The following ADGRF5 variants were observed in gnomAD, a reference collection of about 807,000 sequenced individuals.
ADGRF5 encodes the protein adhesion G protein-coupled receptor F5.
ADGRF5 carries 75 observed loss-of-function variants against 132.3 expected under a neutral mutation model. The observed-to-expected ratio is 0.57, with a 90% CI of 0.47 to 0.69. ADGRF5 has a LOEUF of 0.69. ADGRF5 is among the 30% of genes least tolerant of loss of function. The pLI is 0.00. For synonymous variants in ADGRF5, 629 were observed against 597.6 expected (o/e 1.05, Z -0.77); for missense variants, 1,516 against 1,630.6 (o/e 0.93, Z 1.21).
chr6:46,912,465 A>G (rs1444153041), intron 1 of ADGRF5, among the ~76,000 whole-genome samples: 2 of 152,142 alleles, frequency 1.3e-5, no homozygotes, highest in Non-Finnish European at 2.9e-5. Flanking sequence ...TGGCTGGAAC[A>G]TGAAAAGAGA....
chr6:46,901,317 CA>C (rs1428291043), intron 2 of ADGRF5, among the ~76,000 whole-genome samples: 1 of 152,126 alleles, frequency 6.6e-6, no homozygotes, highest in Non-Finnish European at 1.5e-5. Context: ...TTTTCCACTC[CA>C]AACTCCTTTC....
intron 3 of ADGRF5, among the ~76,000 whole-genome samples, chr6:46,897,155 C>T (rs1052981050): frequency 1.1e-4 from 16 of 149,004 alleles, no homozygotes; most frequent in African/African-American, 3.1e-4. Context: ...TACACACACA[C>T]ACACACACAC....
At chr6:46,882,530 C>G (rs546075206) in intron 6 of ADGRF5, among the ~76,000 whole-genome samples, 6 of 152,310 alleles carry the variant, frequency 3.9e-5, no homozygotes, top group African/African-American at 1.4e-4. Flanking sequence ...TGGTAGGGAG[C>G]AGCGGTGATG....
chr6:46,938,586 T>G (rs1777934950), intron 1 of ADGRF5, among the ~76,000 whole-genome samples: 1 of 152,156 alleles, frequency 6.6e-6, no homozygotes, highest in Admixed American at 6.5e-5. Flanking sequence ...GATCAGCACC[T>G]TAGTGATCAC....
rs1769957504 is a variant in ADGRF5 at position 46,862,921 on chromosome 6, A to G, written c.2166T>C (p.Ser722=). The G allele has an allele frequency of 6.2e-7, 1 of 1,612,790 alleles. No individual in the cohort carries two copies. Among genetic ancestry groups the G allele is most frequent in the East Asian group, 2.2e-5 (1 of 44,838 alleles). ...TCTGGAGCAGACTGTTTATTGGGGC[A>G]GAGATGCAGTCATTTCTCTTCTCCT... ...QWEEKRNDCI[S]APINSLLQMA... Residue 722 remains serine (S), a synonymous_variant, in exon 15 of 21, where the codon TCT becomes TCC. Coordinates refer to ENST00000283296, the MANE Select transcript of ADGRF5 (RefSeq NM_001098518.2).
upstream of ADGRF5, among the ~76,000 whole-genome samples, chr6:46,926,519 G>A (rs1442149149): frequency 1.3e-5 from 2 of 152,020 alleles, no homozygotes; most frequent in Admixed American, 6.5e-5. Context: ...ATGGTTCGTT[G>A]AGGTGTCATC....
intron 1 of ADGRF5, among the ~76,000 whole-genome samples, chr6:46,913,772 C>G (rs1039615236): frequency 9.9e-5 from 15 of 152,170 alleles, no homozygotes; most frequent in African/African-American, 3.1e-4. Flanking sequence ...CACATGTAAG[C>G]TGCTTAGCTT....
At chr6:46,909,530 G>T (rs1384466057) in intron 1 of ADGRF5, among the ~76,000 whole-genome samples, 2 of 152,220 alleles carry the variant, frequency 1.3e-5, no homozygotes, top group Non-Finnish European at 2.9e-5. Context: ...TCATATGCCA[G>T]GAATAAGTCA....
In ADGRF5 at chr6:46,858,446, G is replaced by A. The variant is rs146806321; in HGVS notation, c.3457C>T (p.Arg1153Trp). Residue 1153 changes from arginine to tryptophan, a missense_variant, in exon 17 of 21, where the codon CGG (arginine) becomes TGG (tryptophan). Transcript: ENST00000283296. ...ACATTCTTCCTCGTATAGACTTCCC[G>A]GGGCTGGGTGGCTCCCAGCGTGATG... ...SVITLGATQP[R>W]EVYTRKNVCW... 4.7e-4 allele frequency: 766 copies of A among 1,613,838 alleles called. No individual in the cohort carries two copies. The highest frequency in any genetic ancestry group is 6.1e-4 in the Non-Finnish European group (721 of 1,179,824).
At chr6:46,932,454 A>G (rs138022209) in intron 1 of ADGRF5, among the ~76,000 whole-genome samples, 92 of 152,288 alleles carry the variant, frequency 6.0e-4, no homozygotes, top group African/African-American at 2.2e-3. Context: ...GTATACCCCA[A>G]AGAAAAGTCA....
chr6:46,860,114 C>G (rs867838051), intron 16 of ADGRF5, among the ~76,000 whole-genome samples: 1 of 152,166 alleles, frequency 6.6e-6, no homozygotes, highest in African/African-American at 2.4e-5. Context: ...GACTATAGCT[C>G]CTGCTGACTG....
At chr6:46,938,705 C>T (rs1191558454) in intron 1 of ADGRF5, among the ~76,000 whole-genome samples, 4 of 152,182 alleles carry the variant, frequency 2.6e-5, no homozygotes, top group Non-Finnish European at 5.9e-5. Flanking sequence ...CCTAGAGTCT[C>T]AAGGTACAGG....
intron 1 of ADGRF5, among the ~76,000 whole-genome samples, chr6:46,931,654 T>C (rs2150935710): frequency 6.6e-6 from 1 of 152,386 alleles, no homozygotes; most frequent in Middle Eastern, 3.4e-3. Flanking sequence ...CTCTTTCACC[T>C]GTGCTTTCTC....
rs149143085 is a variant in ADGRF5 at position 46,867,068 on chromosome 6, G to A, written c.1691C>T (p.Pro564Leu). The A allele has an allele frequency of 1.2e-5, 20 of 1,613,102 alleles. No homozygotes were observed. Among genetic ancestry groups the A allele is most frequent in the South Asian group, 3.3e-5 (3 of 91,058 alleles). Residue 564 changes from proline (P) to leucine (L), a missense_variant, in exon 13 of 21, where the codon CCG becomes CTG. By Grantham distance (98) the Pro-to-Leu change is moderately conservative. Around this residue, in one of 2 missense-constraint regions of ADGRF5, gnomAD observed 945 missense variants for 929.4 expected, o/e 1.02. Transcript: ENST00000283296. ...CATGATGTTCAGCTTTAGAGGCAGC[G>A]GGTGAACAATGACGTCTTTGGTTGC... ...SIATKDVIVH[P>L]LPLKLNIMVD...
At chr6:46,933,816 C>G (rs932682631) in intron 1 of ADGRF5, among the ~76,000 whole-genome samples, 3 of 152,164 alleles carry the variant, frequency 2.0e-5, no homozygotes, top group Non-Finnish European at 4.4e-5. Flanking sequence ...TTATCAGAGT[C>G]TTCCTCTCAG....
In ADGRF5 at chr6:46,863,006, C is replaced by T; in HGVS notation, c.2081G>A (p.Ser694Asn). ...CCCGCCAATGGGACTCTCAGGGCTG[C>T]TGGGAACGTTTGAGAACCGGCATAG... ...QKLCRFSNVP[S>N]SPESPIGGTI... The change falls in exon 15 of 21, where the codon AGC becomes AAC. Residue 694 changes from serine to asparagine, a missense_variant. Physicochemically the swap from Ser to Asn is conservative, Grantham distance 46. Coordinates refer to ENST00000283296, the MANE Select transcript of ADGRF5 (RefSeq NM_001098518.2). 2 of 1,613,914 alleles carry T rather than the reference C, an allele frequency of 1.2e-6. No individual in the cohort carries two copies. Among genetic ancestry groups the T allele is most frequent in the Non-Finnish European group, 1.7e-6 (2 of 1,179,868 alleles).
At position 46,860,899 on chromosome 6, in the gene ADGRF5, TA is replaced by T; in HGVS notation, c.2200-6del. Reference sequence around the variant, plus strand: ...AGAGGGGCTCTTGATCAAAGCCTAGTAAAACAAAAGCCAACACAAAAAAAAA... The same window carrying T: ...AGAGGGGCTCTTGATCAAAGCCTAGTAAACAAAAGCCAACACAAAAAAAAA... On this transcript the variant is annotated splice_region_variant and splice_polypyrimidine_tract_variant and intron_variant, in intron 15 of 20. Coordinates refer to ENST00000283296, the MANE Select transcript of ADGRF5 (RefSeq NM_001098518.2). 2 of 1,584,500 alleles carry T rather than the reference TA, an allele frequency of 1.3e-6. No individual in the cohort carries two copies. The highest frequency in any genetic ancestry group is 1.7e-6 in the Non-Finnish European group (2 of 1,162,686).
intron 20 of ADGRF5, 48 bp downstream of exon 20, chr6:46,855,926 G>T: frequency 9.1e-7 from 1 of 1,093,150 alleles, no homozygotes; most frequent in Non-Finnish European, 1.4e-6. Context: ...CCCCATTTGA[G>T]CAAATGTGTT....
At chr6:46,896,965 G>T (rs1266250562) in intron 3 of ADGRF5, among the ~76,000 whole-genome samples, 1 of 151,808 alleles carries the variant, frequency 6.6e-6, no homozygotes, top group Non-Finnish European at 1.5e-5. Context: ...ATGTACATAG[G>T]TTATATGCAA....
Sources: gnomAD v4.1 joint callset for allele counts (sites outside exome capture counted in the v4.1 genomes callset) on GRCh38, gnomAD v4.1.1 for gene constraint, gnomAD v4.1.1 regional missense constraint, MANE v1.5 for transcripts, NCBI Gene and HGNC (gene_info 2026-07-23, HGNC 2026-07-21) for gene names.